TNKS: variants seen among roughly 807,000 people sequenced by gnomAD.
The protein encoded by TNKS is tankyrase.
Under a neutral mutation model 135.8 loss-of-function variants are expected in TNKS, and 72 were observed. The ratio of observed to expected loss-of-function variants is 0.53; its 90% CI spans 0.44 to 0.64. TNKS has a LOEUF of 0.64. TNKS is among the 30% of genes least tolerant of loss of function. TNKS has a pLI of 0.00. For missense variants in TNKS, 1,769 were observed against 1,674.0 expected, an observed-to-expected ratio of 1.06 and a Z score of -0.99; for synonymous variants, 849 against 649.3, an observed-to-expected ratio of 1.31 and a Z score of -4.68.
intron 5 of TNKS, among the ~76,000 whole-genome samples, chr8:9,684,122 A>C (rs1366969831): frequency 1.3e-5 from 2 of 152,014 alleles, no homozygotes; most frequent in African/African-American, 4.8e-5. Flanking sequence ...CAGTATGATT[A>C]GTCATAACAG....
rs770965581 is a variant in TNKS, at chr8:9,766,243, T to A, written c.3558T>A (p.Ser1186=). The change falls in exon 25 of 27, where the codon TCT becomes TCA. Residue 1186 remains serine (S), a synonymous_variant. Coordinates refer to ENST00000310430, the MANE Select transcript of TNKS (RefSeq NM_003747.3). The part of the protein sequence containing the change: ...HHNERMLFHG[S]PFINAIIHKG... ...TTTCTGTCTTCGTATTTCTAGGTTCTCCTTTCATTAATGCCATTATTCATA... is the reference window on the plus strand; with the variant it reads ...TTTCTGTCTTCGTATTTCTAGGTTCACCTTTCATTAATGCCATTATTCATA... 6.3e-7 allele frequency: 1 copy of A among 1,598,646 alleles called. No homozygotes were observed. Among genetic ancestry groups the A allele is most frequent in the African/African-American group, 1.3e-5 (1 of 74,386 alleles).
chr8:9,635,372 G>C (rs1224207997), intron 3 of TNKS, among the ~76,000 whole-genome samples: 1 of 152,196 alleles, frequency 6.6e-6, no homozygotes, highest in Non-Finnish European at 1.5e-5. Context: ...GAACGAATGG[G>C]GAGGGACACT....
intron 3 of TNKS, among the ~76,000 whole-genome samples, chr8:9,662,138 C>G (rs1222539156): frequency 5.3e-5 from 8 of 152,218 alleles, no homozygotes; most frequent in Non-Finnish European, 8.8e-5. Context: ...CACTTTTACA[C>G]TGTTGGTGGG....
chr8:9,591,817 GAAT>G (rs1201571307), intron 2 of TNKS, among the ~76,000 whole-genome samples: 1 of 152,114 alleles, frequency 6.6e-6, no homozygotes. Flanking sequence ...ATCAGCGTTG[GAAT>G]AATAAGATTT....
At chr8:9,759,296 C>G (rs1011462910) in intron 20 of TNKS, among the ~76,000 whole-genome samples, 1 of 152,198 alleles carries the variant, frequency 6.6e-6, no homozygotes, top group Non-Finnish European at 1.5e-5. Context: ...AGGCCACAGT[C>G]TCTTTATTAC....
At chr8:9,732,945 G>C (rs1345191188) in intron 14 of TNKS, among the ~76,000 whole-genome samples, 2 of 152,148 alleles carry the variant, frequency 1.3e-5, no homozygotes, top group East Asian at 3.8e-4. Flanking sequence ...TACCAAGGTA[G>C]AACTTGCCTA....
intron 12 of TNKS, among the ~76,000 whole-genome samples, chr8:9,724,680 GT>G (rs1389231941): frequency 6.6e-6 from 1 of 152,158 alleles, no homozygotes; most frequent in Non-Finnish European, 1.5e-5. Flanking sequence ...TTCAAGATAT[GT>G]AATAGGTGCA....
chr8:9,756,355 C>T (rs952041864), intron 20 of TNKS, among the ~76,000 whole-genome samples: 15 of 152,078 alleles, frequency 9.9e-5, no homozygotes, highest in Non-Finnish European at 2.1e-4. Flanking sequence ...AAATGACTCT[C>T]AGAAGCTAGA....
At chr8:9,672,702 ACAC>A (rs1479347436) in intron 3 of TNKS, among the ~76,000 whole-genome samples, 69 of 125,370 alleles carry the variant, frequency 5.5e-4, no homozygotes, top group African/African-American at 1.8e-3. Flanking sequence ...ACACACACAC[ACAC>A]ACACACAAAA....
At chr8:9,723,765 A>G (rs767819561) in intron 12 of TNKS, among the ~76,000 whole-genome samples, 3 of 152,250 alleles carry the variant, frequency 2.0e-5, no homozygotes, top group Non-Finnish European at 4.4e-5. Context: ...GCTAATGGCT[A>G]GCATAATAGC....
chr8:9,603,302 G>A (rs944403703), intron 2 of TNKS, among the ~76,000 whole-genome samples: 13 of 151,812 alleles, frequency 8.6e-5, no homozygotes, highest in African/African-American at 2.4e-4. Context: ...TGATCCGCCC[G>A]CCTTGGCCTC....
At position 9,678,405 on chromosome 8, in the gene TNKS, C is replaced by T. The variant is rs117834903; in HGVS notation, c.995-1546C>T. ...AGGATATAATGAAATGACCTTTACT[C>T]TGTCAGTTGGCTAAAAAATCTGAAA... is the stretch of plus-strand genomic sequence containing the variant. On this transcript the variant is annotated intron_variant, in intron 3 of 26. Coordinates refer to ENST00000310430, the MANE Select transcript of TNKS (RefSeq NM_003747.3). Among the ~76,000 whole-genome samples, 86 of 152,266 alleles carry T rather than the reference C, an allele frequency of 5.6e-4. 1 individual carries two copies. In the East Asian group the frequency reaches 0.011, roughly 19 times the overall value.
At chr8:9,614,582 T>C (rs1799571323) in intron 2 of TNKS, among the ~76,000 whole-genome samples, 1 of 152,212 alleles carries the variant, frequency 6.6e-6, no homozygotes, top group Non-Finnish European at 1.5e-5. Flanking sequence ...CTTCCAAATA[T>C]TGCTAAAGAA....
intron 2 of TNKS, among the ~76,000 whole-genome samples, chr8:9,607,268 C>T (rs942609407): frequency 5.9e-5 from 9 of 152,076 alleles, no homozygotes; most frequent in African/African-American, 1.9e-4. Flanking sequence ...AAATGTTATT[C>T]ATATTTGACT....
intron 2 of TNKS, among the ~76,000 whole-genome samples, chr8:9,586,104 C>A (rs1798370794): frequency 6.6e-6 from 1 of 152,066 alleles, no homozygotes; most frequent in African/African-American, 2.4e-5. Flanking sequence ...TATTTGGCAA[C>A]TGCTTTTATT....
At chr8:9,726,219 C>T (rs527253115) in intron 12 of TNKS, among the ~76,000 whole-genome samples, 118 of 152,142 alleles carry the variant, frequency 7.8e-4, no homozygotes, top group African/African-American at 2.8e-3. Flanking sequence ...GGTGAAAACC[C>T]ATCTCCACAA....
chr8:9,749,930 C>A (rs1806433955), intron 18 of TNKS, among the ~76,000 whole-genome samples: 1 of 152,160 alleles, frequency 6.6e-6, no homozygotes, highest in Non-Finnish European at 1.5e-5. Context: ...ATCTACCTGT[C>A]CCTTTTAGTC....
chr8:9,723,356 G>A (rs1350255794), intron 12 of TNKS, among the ~76,000 whole-genome samples: 1 of 152,048 alleles, frequency 6.6e-6, no homozygotes, highest in Non-Finnish European at 1.5e-5. Context: ...CAAATAAGAT[G>A]TATAGTAATT....
At chr8:9,588,918 A>G (rs1431454976) in intron 2 of TNKS, among the ~76,000 whole-genome samples, 2 of 152,236 alleles carry the variant, frequency 1.3e-5, no homozygotes, top group South Asian at 2.1e-4. Flanking sequence ...GAAGAAGCTT[A>G]TCCAAGTTGA....
Sources: gnomAD v4.1 joint callset for allele counts (sites outside exome capture counted in the v4.1 genomes callset) on GRCh38, gnomAD v4.1.1 for gene constraint, MANE v1.5 for transcripts, NCBI Gene and HGNC (gene_info 2026-07-23, HGNC 2026-07-21) for gene names.